Variants in IL1B observed in about 807,000 individuals in gnomAD.
The protein encoded by IL1B is interleukin-1 beta.
IL1B carries 11 observed loss-of-function variants against 26.2 expected under a neutral mutation model. That is an observed-to-expected ratio of 0.42 (90% CI 0.26 to 0.70). The LOEUF (loss-of-function observed/expected upper bound fraction) is 0.70. IL1B is among the 30% of genes least tolerant of loss of function. IL1B has a pLI of 0.25. For synonymous variants in IL1B, 118 were observed against 120.8 expected (o/e 0.98, Z 0.15); for missense variants, 255 against 327.5 (o/e 0.78, Z 1.71).
Position 112,831,413 on chromosome 2 carries a change from G to C in IL1B, c.476C>G (p.Ser159Cys), listed in dbSNP as rs944208771. The C allele has an allele frequency of 2.5e-6, 4 of 1,613,650 alleles. No individual in the cohort carries two copies. The highest frequency in any genetic ancestry group is 3.3e-5 in the Admixed American group (2 of 60,016). ...GQDMEQQVVFSMSFVQGEESN... is the reference protein window; with the variant it reads ...GQDMEQQVVFCMSFVQGEESN... The stretch of plus-strand genomic sequence containing the variant: ...TTCTTCTCCTTGTACAAAGGACATG[G>C]AGAACACCACTGAAGAAAGAAGGGG... Residue 159 changes from serine to cysteine, a missense_variant, in exon 6 of 7, where the codon TCC becomes TGC. By Grantham distance (112) the Ser-to-Cys change is moderately radical. Transcript: ENST00000263341.
rs1681946146 is a variant in IL1B, at chr2:112,829,759, T to A, written c.*602A>T. 6.5e-6 allele frequency: 1 copy of A among 152,778 alleles called. No individual in the cohort carries two copies. The allele number at this position is 152,778 out of a possible 1,614,324, so 9.5% of individuals were successfully genotyped here. ...ATGATCAGGAAAGACCCTTTTTTTT[T>A]CTTCAGTGAAGTTTATTTCAGAACC... is the stretch of plus-strand genomic sequence containing the variant. On this transcript the variant is annotated 3_prime_UTR_variant, in exon 7 of 7. Coordinates refer to ENST00000263341, the MANE Select transcript of IL1B (RefSeq NM_000576.3).
chr2:112,832,958 G>A, intron 4 of IL1B, 132 bp from the exon 5 acceptor site: 2 of 835,280 alleles, frequency 2.4e-6, no homozygotes, highest in South Asian at 1.4e-5. Context: ...ACACCAGTAG[G>A]GATGAAGCTG....
At chr2:112,835,304 C>G (rs1383793464) in intron 3 of IL1B, 1 of 539,752 alleles carries the variant, frequency 1.9e-6, no homozygotes, top group African/African-American at 1.9e-5. Context: ...TGTCTTCCTA[C>G]TATGAAATGG....
chr2:112,831,334 C>G lies in IL1B; in HGVS notation c.555G>C (p.Leu185=), dbSNP rs192715508. Residue 185 remains leucine (L), a synonymous_variant, in exon 6 of 7, where the codon CTG becomes CTC. Transcript: ENST00000263341. ...GCTTATCATCTTTCAACACGCAGGA[C>G]AGGTACAGATTCTTTTCCTTGAGGC... The part of the protein sequence containing the change: ...ALGLKEKNLY[L]SCVLKDDKPT... 39 of 1,614,006 alleles carry G rather than the reference C, an allele frequency of 2.4e-5. No individual in the cohort carries two copies. The East Asian group carries it at 8.2e-4, about 34-fold the overall frequency.
intron 6 of IL1B, 79 bp from the exon 7 acceptor site, chr2:112,830,652 A>G (rs995863985): frequency 6.6e-6 from 7 of 1,064,346 alleles, no homozygotes; most frequent in Non-Finnish European, 1.0e-5. Flanking sequence ...TGGGTTGGCC[A>G]GAAAGGAAAC....
chr2:112,835,698 G>C (rs905825358), intron 2 of IL1B, 81 bp from the exon 3 acceptor site: 4 of 1,246,568 alleles, frequency 3.2e-6, no homozygotes, highest in Non-Finnish European at 4.7e-6. Flanking sequence ...AGACTTGACT[G>C]TTCATAAGAA....
In IL1B at chr2:112,833,515, C is replaced by T. The variant is rs568715066; in HGVS notation, c.160G>A (p.Asp54Asn). 31 of 1,614,102 alleles carry T rather than the reference C, an allele frequency of 1.9e-5. No homozygotes were observed. The highest frequency in any genetic ancestry group is 9.3e-5 in the African/African-American group (7 of 75,008). The change falls in exon 4 of 7, where the codon GAC becomes AAC. Residue 54 changes from aspartate to asparagine, a missense_variant. By Grantham distance (23) the Asp-to-Asn change is conservative. Transcript: ENST00000263341. ...CTGAAGCCCTTGCTGTAGTGGTGGT[C>T]GGAGATTCGTAGCTGGATGCCGCCA... ...LDGGIQLRISDHHYSKGFRQA... is the reference protein window; with the variant it reads ...LDGGIQLRISNHHYSKGFRQA...
intron 2 of IL1B, 115 bp downstream of exon 2, chr2:112,836,068 G>C (rs1169073943): frequency 2.2e-6 from 2 of 911,340 alleles, no homozygotes; most frequent in African/African-American, 1.6e-5. Context: ...TTGGCACCCT[G>C]TTTGCCACTG....
chr2:112,830,708 C>G (rs1223425900), intron 6 of IL1B, 135 bp from the exon 7 acceptor site: 4 of 678,086 alleles, frequency 5.9e-6, no homozygotes, highest in Non-Finnish European at 7.9e-6. Context: ...TGAGTTGTAA[C>G]TGGGCCCCCA....
rs1050408972 is a variant in IL1B, at chr2:112,829,809, T to C, written c.*552A>G. On this transcript the variant is annotated 3_prime_UTR_variant, in exon 7 of 7. Coordinates refer to ENST00000263341, the MANE Select transcript of IL1B (RefSeq NM_000576.3). ...CATTGAACAGTATGATATTTGCTCA[T>C]TTATAAATATTCCCATTTAAATAAT... The C allele has an allele frequency of 6.4e-6, 1 of 155,412 alleles. No individual in the cohort carries two copies. The highest frequency in any genetic ancestry group is 2.4e-5 in the African/African-American group (1 of 41,456). 9.6% of individuals were successfully genotyped at this position (155,412 alleles called of 1,614,324 possible).
intron 4 of IL1B, 199 bp downstream of exon 4, chr2:112,833,175 A>G (rs921703257): frequency 1.2e-5 from 8 of 647,042 alleles, no homozygotes; most frequent in East Asian, 5.6e-5. Context: ...TGCAAATGTC[A>G]GTAGCCATCA....
In IL1B at chr2:112,830,075, A is replaced by G. The variant is rs962090944; in HGVS notation, c.*286T>C. The G allele has an allele frequency of 2.7e-6, 1 of 370,274 alleles. No individual in the cohort carries two copies. Among genetic ancestry groups the G allele is most frequent in the Admixed American group, 4.2e-5 (1 of 23,594 alleles). 22.9% of individuals were successfully genotyped at this position (370,274 alleles called of 1,614,324 possible). A position where few individuals can be genotyped will look rare whatever the true frequency, so the allele number is the denominator to read the frequency against. ...ATGACAGAGGGTTTCTTAGAACCAA[A>G]TGTGGCCGTGGTTTCTGTCAGGCGG... On this transcript the variant is annotated 3_prime_UTR_variant, in exon 7 of 7. Transcript: ENST00000263341.
intron 4 of IL1B, 112 bp downstream of exon 4, chr2:112,833,262 T>TG: frequency 1.0e-6 from 1 of 965,060 alleles, no homozygotes; most frequent in Non-Finnish European, 1.7e-6. Context: ...GTCTCCCCGC[T>TG]GGGCCTTCTA....
intron 4 of IL1B, 125 bp from the exon 5 acceptor site, chr2:112,832,951 C>G: frequency 1.1e-6 from 1 of 883,668 alleles, no homozygotes; most frequent in Middle Eastern, 2.9e-4. Flanking sequence ...GATGACAACA[C>G]CAGTAGGGAT....
At chr2:112,833,330 A>G in intron 4 of IL1B, 44 bp downstream of exon 4, 2 of 1,586,190 alleles carry the variant, frequency 1.3e-6, no homozygotes, top group Non-Finnish European at 1.7e-6. Context: ...ATGACTTCCA[A>G]GAGGACACAA....
At chr2:112,830,933 A>C (rs1681974341) in intron 6 of IL1B, among the ~76,000 whole-genome samples, 1 of 152,034 alleles carries the variant, frequency 6.6e-6, no homozygotes, top group Non-Finnish European at 1.5e-5. Context: ...TTGCTGAGAA[A>C]GCTGGAGGTG....
chr2:112,831,358 G>T lies in IL1B; in HGVS notation c.531C>A (p.Gly177=). Residue 177 remains glycine, a synonymous_variant, in exon 6 of 7, where the codon GGC becomes GGA. Coordinates refer to ENST00000263341, the MANE Select transcript of IL1B (RefSeq NM_000576.3). The part of the protein sequence containing the change: ...ESNDKIPVAL[G]LKEKNLYLSC... ...ACAGGTACAGATTCTTTTCCTTGAG[G>T]CCCAAGGCCACAGGTATTTTGTCAT... The T allele has an allele frequency of 6.2e-7, 1 of 1,613,854 alleles. No individual in the cohort carries two copies. Among genetic ancestry groups the T allele is most frequent in the Admixed American group, 1.7e-5 (1 of 59,988 alleles).
At position 112,832,975 on chromosome 2, in the gene IL1B, G is replaced by T. The variant is rs182336711; in HGVS notation, c.302-149C>A. On this transcript the variant is annotated intron_variant, in intron 4 of 6. Coordinates refer to ENST00000263341, the MANE Select transcript of IL1B (RefSeq NM_000576.3). ...ACCAGTAGGGATGAAGCTGGGAGTG[G>T]GGTGGCTAAGAACACTGGACCTGAC... is the stretch of plus-strand genomic sequence containing the variant. The T allele has an allele frequency of 1.4e-3, 1,023 of 756,858 alleles. 3 individuals carry two copies. The highest frequency in any genetic ancestry group is 1.8e-3 in the Non-Finnish European group (797 of 436,374). The allele number at this position is 756,858 out of a possible 1,614,324, so 46.9% of individuals were successfully genotyped here.
chr2:112,833,727 C>G, intron 3 of IL1B, 152 bp from the exon 4 acceptor site: 1 of 770,686 alleles, frequency 1.3e-6, no homozygotes, highest in East Asian at 2.7e-5. Context: ...GGCGTGGTGG[C>G]TCATGCCTGT....
Sources: gnomAD v4.1 joint callset for allele counts (sites outside exome capture counted in the v4.1 genomes callset) on GRCh38, gnomAD v4.1.1 for gene constraint, MANE v1.5 for transcripts, NCBI Gene and HGNC (gene_info 2026-07-23, HGNC 2026-07-21) for gene names.